Variants in PDE4D observed in about 807,000 individuals in gnomAD.
PDE4D encodes 3',5'-cyclic-AMP phosphodiesterase 4D.
Under a neutral mutation model 87.4 loss-of-function variants are expected in PDE4D, and 24 were observed. The observed-to-expected ratio is 0.27, with a 90% confidence interval of 0.20 to 0.39. PDE4D has a LOEUF of 0.39. PDE4D is among the 10% of genes least tolerant of loss of function. The probability of loss-of-function intolerance (pLI) is 1.00; values close to 1 mark genes in which losing one functional copy is unlikely to be tolerated. For synonymous variants in PDE4D, 384 were observed against 383.2 expected (o/e 1.00, Z -0.02); for missense variants, 714 against 1,041.0 (o/e 0.69, Z 4.32).
At chr5:59,711,863 G>A (rs1314303464) in intron 1 of PDE4D, among the ~76,000 whole-genome samples, 1 of 152,060 alleles carries the variant, frequency 6.6e-6, no homozygotes, top group Non-Finnish European at 1.5e-5. Context: ...CAACTCTCAT[G>A]AAATTTTCTT....
intron 3 of PDE4D, among the ~76,000 whole-genome samples, chr5:59,970,178 A>G (rs1760552861): frequency 6.6e-6 from 1 of 152,254 alleles, no homozygotes; most frequent in African/African-American, 2.4e-5. Flanking sequence ...TCAGTGGACT[A>G]ACAGCAGAGT....
chr5:59,303,221 C>T (rs1274252389), intron 1 of PDE4D, among the ~76,000 whole-genome samples: 4 of 152,080 alleles, frequency 2.6e-5, no homozygotes, highest in Admixed American at 6.6e-5. Context: ...CCTTAGCCTA[C>T]TTTTTGATGG....
chr5:59,888,025 C>T (rs1385841518), intron 1 of PDE4D, among the ~76,000 whole-genome samples: 3 of 152,204 alleles, frequency 2.0e-5, no homozygotes, highest in South Asian at 2.1e-4. Flanking sequence ...AGTAATTTAA[C>T]CCCTCATGAC....
intron 1 of PDE4D, among the ~76,000 whole-genome samples, chr5:60,320,623 C>T (rs1756162711): frequency 6.6e-6 from 1 of 152,134 alleles, no homozygotes; most frequent in South Asian, 2.1e-4. Flanking sequence ...CATCTTGGCT[C>T]CACCAGTCAG....
chr5:59,860,476 T>C (rs545466214), intron 1 of PDE4D, among the ~76,000 whole-genome samples: 3 of 152,216 alleles, frequency 2.0e-5, no homozygotes, highest in Non-Finnish European at 4.4e-5. Context: ...ATTTTACTTA[T>C]TGAAGTTAAT....
intron 2 of PDE4D, among the ~76,000 whole-genome samples, chr5:60,082,226 T>C (rs931269922): frequency 2.0e-5 from 3 of 152,172 alleles, no homozygotes; most frequent in African/African-American, 4.8e-5. Flanking sequence ...AATTAGGTAA[T>C]GAAGGCAGAG....
At chr5:59,864,268 A>G (rs1304003956) in intron 1 of PDE4D, among the ~76,000 whole-genome samples, 3 of 152,206 alleles carry the variant, frequency 2.0e-5, no homozygotes, top group African/African-American at 7.2e-5. Context: ...AACTGGACCT[A>G]GTAGGAGCTA....
chr5:60,229,384 A>G (rs1366148582), intron 1 of PDE4D, among the ~76,000 whole-genome samples: 2 of 152,182 alleles, frequency 1.3e-5, no homozygotes, highest in Non-Finnish European at 2.9e-5. Flanking sequence ...TTTCTTATAA[A>G]GCATTGTTTT....
chr5:59,732,876 G>A (rs1290652661), intron 1 of PDE4D, among the ~76,000 whole-genome samples: 1 of 125,496 alleles, frequency 8.0e-6, no homozygotes, highest in Non-Finnish European at 1.8e-5. Context: ...GAATAATTGA[G>A]AATTGATGGT....
At chr5:60,175,104 A>G (rs1240410540) in intron 2 of PDE4D, among the ~76,000 whole-genome samples, 2 of 151,596 alleles carry the variant, frequency 1.3e-5, no homozygotes, top group Admixed American at 6.6e-5. Context: ...ATGCTCTGTT[A>G]TGTTCTTTCT....
intron 5 of PDE4D, among the ~76,000 whole-genome samples, chr5:59,119,679 T>C (rs553951143): frequency 1.3e-5 from 2 of 152,336 alleles, no homozygotes; most frequent in African/African-American, 4.8e-5. Flanking sequence ...GCTGTGCATC[T>C]TGACATTAGC....
intron 1 of PDE4D, among the ~76,000 whole-genome samples, chr5:59,804,115 G>A (rs1581185017): frequency 6.6e-6 from 1 of 152,026 alleles, no homozygotes; most frequent in Admixed American, 6.6e-5. Context: ...TGATATTTTG[G>A]TGCATCCATC....
intron 2 of PDE4D, among the ~76,000 whole-genome samples, chr5:60,110,725 A>C (rs1002198629): frequency 6.6e-6 from 1 of 152,150 alleles, no homozygotes; most frequent in Non-Finnish European, 1.5e-5. Context: ...GGCACTACTT[A>C]TAACAGCTAA....
chr5:59,670,696 T>C (rs752004690), intron 1 of PDE4D, among the ~76,000 whole-genome samples: 4 of 152,186 alleles, frequency 2.6e-5, no homozygotes, highest in Non-Finnish European at 5.9e-5. Flanking sequence ...GTTAAACATA[T>C]ACTAATTCTT....
chr5:59,617,858 T>C (rs1829894184), intron 1 of PDE4D, among the ~76,000 whole-genome samples: 1 of 152,204 alleles, frequency 6.6e-6, no homozygotes, highest in African/African-American at 2.4e-5. Context: ...CATTCCTCAA[T>C]TTTCTGCATT....
chr5:59,609,372 A>AT (rs1828671464), intron 1 of PDE4D, among the ~76,000 whole-genome samples: 1 of 131,440 alleles, frequency 7.6e-6, no homozygotes, highest in African/African-American at 2.9e-5. Context: ...TCTAATTTGT[A>AT]TATGTACACA....
At chr5:59,620,585 G>T (rs1295082633) in intron 1 of PDE4D, among the ~76,000 whole-genome samples, 1 of 152,116 alleles carries the variant, frequency 6.6e-6, no homozygotes, top group Non-Finnish European at 1.5e-5. Context: ...ATATAAGGAA[G>T]GGGGATATGA....
intron 1 of PDE4D, among the ~76,000 whole-genome samples, chr5:60,266,448 G>T (rs116435434): frequency 0.014 from 2,136 of 152,266 alleles, 63 homozygotes; most frequent in African/African-American, 0.048. Flanking sequence ...ATAAGTGCTG[G>T]TGGGCATCTT....
chr5:59,804,703 T>A lies in PDE4D; in HGVS notation c.455+88465A>T, dbSNP rs774235486. On this transcript the variant is annotated intron_variant, in intron 1 of 14. Transcript: ENST00000340635. ...AGAATATTACTTCATTTCATAAAAC[T>A]TAAAAACGAGGAAATCCCCCTTGTT... 3.4e-4 allele frequency among the ~76,000 whole-genome samples: 52 copies of A among 152,324 alleles called. 2 individuals are homozygous for A. Among genetic ancestry groups the A allele is most frequent in the Non-Finnish European group, 2.8e-4 (19 of 68,020 alleles).
Sources: gnomAD v4.1 joint callset for allele counts (sites outside exome capture counted in the v4.1 genomes callset) on GRCh38, gnomAD v4.1.1 for gene constraint, MANE v1.5 for transcripts, NCBI Gene and HGNC (gene_info 2026-07-23, HGNC 2026-07-21) for gene names.